Variants in RBM20 observed in about 807,000 individuals in gnomAD.
RBM20 encodes the protein RNA-binding protein 20.
A neutral mutation model predicts 110.1 loss-of-function variants in RBM20; 51 were observed. That is an observed-to-expected ratio of 0.46 (90% CI 0.37 to 0.59). The LOEUF (loss-of-function observed/expected upper bound fraction) is 0.59. RBM20 is among the 20% of genes least tolerant of loss of function. The pLI is 0.00. For synonymous variants in RBM20, 589 were observed against 618.2 expected (o/e 0.95, Z 0.70); for missense variants, 1,512 against 1,574.9 (o/e 0.96, Z 0.68).
chr10:110,784,788 T>C lies in RBM20; in HGVS notation c.1430-4T>C, dbSNP rs1488823899. On this transcript the variant is annotated splice_polypyrimidine_tract_variant and splice_region_variant and intron_variant, in intron 4 of 13. Transcript: ENST00000369519. Reference sequence around the variant, plus strand: ...TCACTGACTTTGTGTAATTCATCATTTAGATTATGCCTCAAATCTTGGAAC... The same window carrying C: ...TCACTGACTTTGTGTAATTCATCATCTAGATTATGCCTCAAATCTTGGAAC... 1 of 1,534,472 alleles carries C rather than the reference T, an allele frequency of 6.5e-7. No homozygotes were observed. Among genetic ancestry groups the C allele is most frequent in the Non-Finnish European group, 8.8e-7 (1 of 1,131,372 alleles).
intron 1 of RBM20, among the ~76,000 whole-genome samples, chr10:110,763,751 CTTTTTTTTTT>C (rs56845100): frequency 1.6e-5 from 1 of 64,384 alleles, no homozygotes; most frequent in Admixed American, 1.7e-4. Flanking sequence ...GGCTTCTTGG[CTTTTTTTTTT>C]TTTTTTTTTT....
chr10:110,797,568 T>C lies in RBM20; in HGVS notation c.1588T>C (p.Cys530Arg), dbSNP rs1844567365. ...VHICNLPEGSCTENDVINLGL... is the reference protein window; with the variant it reads ...VHICNLPEGSRTENDVINLGL... ...CATCTGCAATCTCCCTGAAGGAAGCTGCACTGAGAATGACGTCATTAACCT... is the reference window on the plus strand; with the variant it reads ...CATCTGCAATCTCCCTGAAGGAAGCCGCACTGAGAATGACGTCATTAACCT... The change falls in exon 6 of 14, where the codon TGC becomes CGC. Residue 530 changes from cysteine to arginine, a missense_variant. Physicochemically the swap from Cys to Arg is radical, Grantham distance 180 (BLOSUM62 -3). Around this residue, in one of 3 missense-constraint regions of RBM20, gnomAD observed 1,149 missense variants for 1,169.4 expected, o/e 0.98. Coordinates refer to ENST00000369519, the MANE Select transcript of RBM20 (RefSeq NM_001134363.3). 6.4e-7 allele frequency: 1 copy of C among 1,551,560 alleles called. No individual in the cohort carries two copies. The highest frequency in any genetic ancestry group is 8.7e-7 in the Non-Finnish European group (1 of 1,146,984).
At chr10:110,728,019 T>C (rs1181317322) in intron 1 of RBM20, among the ~76,000 whole-genome samples, 2 of 152,264 alleles carry the variant, frequency 1.3e-5, no homozygotes, top group Non-Finnish European at 2.9e-5. Context: ...TCACGGTATA[T>C]ATGTGCAACA....
intron 1 of RBM20, among the ~76,000 whole-genome samples, chr10:110,689,788 G>T (rs763422530): frequency 6.6e-6 from 1 of 152,154 alleles, no homozygotes; most frequent in African/African-American, 2.4e-5. Flanking sequence ...GTCTAAAGTA[G>T]CAGTGTTTCT....
rs566021317 is a variant in RBM20, at chr10:110,829,120, G to A, written c.3452-1941G>A. On this transcript the variant is annotated intron_variant, in intron 12 of 13. Transcript: ENST00000369519. ...GAGGCTGGGACGGGACTGAGAGTGT[G>A]GCTCTGATCAAAGCTCTCCTTTTTT... is the stretch of plus-strand genomic sequence containing the variant. 3.4e-3 allele frequency among the ~76,000 whole-genome samples: 515 copies of A among 152,300 alleles called. 4 individuals carry two copies. Among genetic ancestry groups the A allele is most frequent in the African/African-American group, 0.012 (482 of 41,554 alleles).
chr10:110,665,913 C>T (rs1046565128), intron 1 of RBM20, among the ~76,000 whole-genome samples: 1 of 150,074 alleles, frequency 6.7e-6, no homozygotes, highest in African/African-American at 2.5e-5. Flanking sequence ...TCCAGGGGTT[C>T]GAGACCAGCC....
At chr10:110,694,645 A>C (rs1337893423) in intron 1 of RBM20, among the ~76,000 whole-genome samples, 1 of 152,216 alleles carries the variant, frequency 6.6e-6, no homozygotes, top group East Asian at 1.9e-4. Flanking sequence ...AATTCTGAGC[A>C]GTTCTGCTTG....
intron 1 of RBM20, among the ~76,000 whole-genome samples, chr10:110,719,280 A>G (rs759180682): frequency 7.2e-5 from 11 of 152,264 alleles, no homozygotes; most frequent in Admixed American, 1.3e-4. Flanking sequence ...ATGAAAACAC[A>G]TGAGATTGTT....
intron 1 of RBM20, among the ~76,000 whole-genome samples, chr10:110,665,504 A>C (rs1428900258): frequency 1.3e-5 from 2 of 152,226 alleles, no homozygotes; most frequent in Admixed American, 6.5e-5. Context: ...TTCCTTAACA[A>C]ATAAATTTTA....
chr10:110,780,888 A>G lies in RBM20; in HGVS notation c.279A>G (p.Gln93=), dbSNP rs1590673838. Residue 93 remains glutamine (Q), a synonymous_variant, in exon 2 of 14, where the codon CAA becomes CAG. Coordinates refer to ENST00000369519, the MANE Select transcript of RBM20 (RefSeq NM_001134363.3). ...LPSPASLQLA[Q]LQAQLTLHRL... The stretch of plus-strand genomic sequence containing the variant: ...CACCTGCCAGTCTCCAGCTGGCTCA[A>G]CTGCAGGCCCAGCTCACCCTCCACC... The G allele has an allele frequency of 1.9e-6, 3 of 1,550,828 alleles. No individual in the cohort carries two copies. The highest frequency in any genetic ancestry group is 4.9e-5 in the East Asian group (2 of 40,920).
chr10:110,803,579 G>A (rs188466627), intron 7 of RBM20, among the ~76,000 whole-genome samples: 25 of 152,202 alleles, frequency 1.6e-4, no homozygotes, highest in South Asian at 2.1e-4. Context: ...AATAGAAAGG[G>A]CGCAGAACAC....
At chr10:110,713,857 G>T (rs1376599945) in intron 1 of RBM20, among the ~76,000 whole-genome samples, 1 of 152,164 alleles carries the variant, frequency 6.6e-6, no homozygotes, top group African/African-American at 2.4e-5. Flanking sequence ...TTATCCCTGT[G>T]CCAGTGCGTT....
At chr10:110,736,553 C>G (rs1041375307) in intron 1 of RBM20, among the ~76,000 whole-genome samples, 1 of 152,032 alleles carries the variant, frequency 6.6e-6, no homozygotes, top group Non-Finnish European at 1.5e-5. Flanking sequence ...AAGAAAGAAA[C>G]CAATCCAGAT....
intron 1 of RBM20, among the ~76,000 whole-genome samples, chr10:110,731,884 G>T (rs1843624084): frequency 6.6e-6 from 1 of 152,122 alleles, no homozygotes; most frequent in Non-Finnish European, 1.5e-5. Flanking sequence ...AAGATTCGAG[G>T]TATAAAGCTG....
intron 8 of RBM20, among the ~76,000 whole-genome samples, 168 bp downstream of exon 8, chr10:110,810,630 G>A (rs1373951591): frequency 6.6e-6 from 1 of 152,198 alleles, no homozygotes; most frequent in Admixed American, 6.5e-5. Context: ...AAAAACACCA[G>A]TCCAGTTCAG....
intron 10 of RBM20, among the ~76,000 whole-genome samples, chr10:110,820,704 T>C (rs1449484536): frequency 1.3e-5 from 2 of 152,230 alleles, no homozygotes; most frequent in Non-Finnish European, 2.9e-5. Context: ...CTTCGTGCCT[T>C]TCCGGTCAGG....
chr10:110,663,035 T>G (rs59819935), intron 1 of RBM20, among the ~76,000 whole-genome samples: 28,238 of 151,896 alleles, frequency 0.19, 3,762 homozygotes, highest in African/African-American at 0.36. Context: ...CACGATTTTG[T>G]CTCACTGCAA....
chr10:110,731,167 A>G (rs1843617518), intron 1 of RBM20, among the ~76,000 whole-genome samples: 1 of 152,050 alleles, frequency 6.6e-6, no homozygotes, highest in Non-Finnish European at 1.5e-5. Context: ...ACTTCTCGAT[A>G]TTTGGGGGCT....
intron 12 of RBM20, among the ~76,000 whole-genome samples, chr10:110,825,610 C>A (rs2135128999): frequency 6.6e-6 from 1 of 152,316 alleles, no homozygotes; most frequent in South Asian, 2.1e-4. Flanking sequence ...TTAGACATTT[C>A]TTCATGTCAG....
Sources: allele counts gnomAD v4.1 joint callset (sites outside exome capture counted in the v4.1 genomes callset), GRCh38; gene constraint gnomAD v4.1.1; regional missense constraint gnomAD v4.1.1; transcripts MANE v1.5; gene names NCBI Gene and HGNC (gene_info 2026-07-23, HGNC 2026-07-21).